DOCK11: variants seen among roughly 807,000 people sequenced by gnomAD.
The protein encoded by DOCK11 is dedicator of cytokinesis protein 11.
DOCK11 carries 70 observed loss-of-function variants against 169.1 expected under a neutral mutation model. The observed-to-expected ratio is 0.41, with a 90% CI of 0.34 to 0.51. The LOEUF (loss-of-function observed/expected upper bound fraction) is 0.51. Ranked by LOEUF, DOCK11 falls within the 20% of genes least tolerant of loss-of-function variation. DOCK11 has a pLI of 0.10. For synonymous variants in DOCK11, 529 were observed against 541.3 expected (o/e 0.98, Z 0.32); for missense variants, 1,166 against 1,538.8 (o/e 0.76, Z 4.05).
chrX:118,603,136 G>A (rs1448092690), intron 23 of DOCK11, among the ~76,000 whole-genome samples: 2 of 112,210 alleles, frequency 1.8e-5, no homozygotes, highest in East Asian at 2.8e-4. Context: ...GGGTAAAGTC[G>A]TGTAAAAGGA....
intron 1 of DOCK11, among the ~76,000 whole-genome samples, chrX:118,506,916 C>G (rs1031385567): frequency 9.0e-6 from 1 of 110,607 alleles, no homozygotes; most frequent in African/African-American, 3.3e-5. Context: ...AGACCCCCGT[C>G]TTTCCAAAAA....
Position 118,542,832 on chromosome X carries a change from A to G in DOCK11, c.210A>G (p.Glu70=). The change falls in exon 2 of 53, where the codon GAA becomes GAG. Residue 70 remains glutamate (E), a synonymous_variant. Coordinates refer to ENST00000276202, the MANE Select transcript of DOCK11 (RefSeq NM_144658.4). ...GAGATCTGCTTATGTTCCCAATGGA[A>G]GATATATCTGTGAGTTCACAAACAC... ...PLRDLLMFPM[E]DISISVIGRQ... The G allele has an allele frequency of 8.3e-7, 1 of 1,203,055 alleles. No homozygotes were observed. Among genetic ancestry groups the G allele is most frequent in the South Asian group, 1.8e-5 (1 of 56,501 alleles).
chrX:118,507,650 C>T (rs779885624), intron 1 of DOCK11, among the ~76,000 whole-genome samples: 6 of 111,778 alleles, frequency 5.4e-5, no homozygotes, highest in African/African-American at 9.7e-5. Context: ...GTGCCCGGCC[C>T]GTTTTTTAAA....
At chrX:118,574,697 C>T (rs1482906718) in intron 12 of DOCK11, among the ~76,000 whole-genome samples, 1 of 112,141 alleles carries the variant, frequency 8.9e-6, no homozygotes, top group Non-Finnish European at 1.9e-5. Context: ...AATTAACTCT[C>T]CCACCCCTGA....
At chrX:118,673,154 T>C (rs1157111436) in intron 46 of DOCK11, among the ~76,000 whole-genome samples, 1 of 112,224 alleles carries the variant, frequency 8.9e-6, no homozygotes, top group Non-Finnish European at 1.9e-5. Context: ...GGGAGCCTTT[T>C]GCTACTTAGC....
chrX:118,543,785 C>T (rs1460976935), intron 4 of DOCK11, among the ~76,000 whole-genome samples, 192 bp downstream of exon 4: 1 of 111,731 alleles, frequency 9.0e-6, no homozygotes, highest in East Asian at 2.8e-4. Flanking sequence ...CCTGTCTCTA[C>T]TAAAAATACA....
At chrX:118,570,689 T>A (rs762818983) in intron 10 of DOCK11, among the ~76,000 whole-genome samples, 1 of 112,335 alleles carries the variant, frequency 8.9e-6, no homozygotes, top group African/African-American at 3.2e-5. Context: ...GTGTTTCTTG[T>A]CTTGAGTTTT....
chrX:118,540,549 G>C (rs1221331656), intron 1 of DOCK11, among the ~76,000 whole-genome samples: 4 of 111,548 alleles, frequency 3.6e-5, no homozygotes, highest in Admixed American at 1.9e-4. Context: ...TGTAGACATG[G>C]GTCTACAAAT....
chrX:118,671,209 T>A, intron 46 of DOCK11, 64 bp downstream of exon 46: 1 of 1,018,046 alleles, frequency 9.8e-7, no homozygotes, highest in Non-Finnish European at 1.4e-6. Context: ...GGGAAAACAG[T>A]AATATAGTTC....
chrX:118,535,953 T>C (rs1005360737), intron 1 of DOCK11, among the ~76,000 whole-genome samples: 2 of 111,410 alleles, frequency 1.8e-5, no homozygotes, highest in Non-Finnish European at 3.8e-5. Context: ...ATGGTCACAT[T>C]TGGAACAAAC....
intron 18 of DOCK11, among the ~76,000 whole-genome samples, chrX:118,588,840 A>T (rs1370728017): frequency 3.6e-5 from 4 of 112,132 alleles, no homozygotes; most frequent in Admixed American, 9.5e-5. Context: ...CTTTGAGCTG[A>T]CAGAAGCACA....
chrX:118,669,716 C>T lies in DOCK11; in HGVS notation c.5077-1307C>T, dbSNP rs151095909. Among the ~76,000 whole-genome samples, 644 of 112,424 alleles carry T rather than the reference C, an allele frequency of 5.7e-3. 2 individuals carry two copies. Among genetic ancestry groups the T allele is most frequent in the African/African-American group, 0.019 (596 of 30,982 alleles). ...GCACTAAGACTGCAATATCAAAGTA[C>T]CACAAATTGGGTGGCTTAGAACAAG... is the stretch of plus-strand genomic sequence containing the variant. On this transcript the variant is annotated intron_variant, in intron 45 of 52. Coordinates refer to ENST00000276202, the MANE Select transcript of DOCK11 (RefSeq NM_144658.4).
At chrX:118,660,979 G>A (rs1308102760) in intron 44 of DOCK11, among the ~76,000 whole-genome samples, 1 of 109,827 alleles carries the variant, frequency 9.1e-6, no homozygotes. Context: ...AATCTGAGAT[G>A]GGTAGGATCA....
Position 118,517,074 on chromosome X carries a change from C to A in DOCK11, c.102+21001C>A, listed in dbSNP as rs900623504. ...TGATAACATATGTTTATATATAATGCGTATATGTGTGTATAATATTAAGAG... is the reference window on the plus strand; with the variant it reads ...TGATAACATATGTTTATATATAATGAGTATATGTGTGTATAATATTAAGAG... On this transcript the variant is annotated intron_variant, in intron 1 of 52. Coordinates refer to ENST00000276202, the MANE Select transcript of DOCK11 (RefSeq NM_144658.4). Among the ~76,000 whole-genome samples, 5 of 111,515 alleles carry A rather than the reference C, an allele frequency of 4.5e-5. No homozygotes were observed. In the East Asian group the frequency reaches 1.4e-3, roughly 31 times the overall value.
chrX:118,647,610 ATAATATATAAGATATATTATATGT>A (rs2015731470), intron 40 of DOCK11, among the ~76,000 whole-genome samples: 2 of 66,215 alleles, frequency 3.0e-5, no homozygotes, highest in Non-Finnish European at 2.6e-5. Flanking sequence ...ATATATAAAT[ATAATATATAAGATATATTATATGT>A]TAATATATTA....
intron 1 of DOCK11, among the ~76,000 whole-genome samples, chrX:118,524,137 C>T (rs1447477343): frequency 1.8e-5 from 2 of 111,667 alleles, no homozygotes; most frequent in African/African-American, 3.3e-5. Flanking sequence ...GATGAGTTTC[C>T]TTTCTGTGAC....
chrX:118,500,300 G>A (rs1363179850), intron 1 of DOCK11, among the ~76,000 whole-genome samples: 1 of 110,665 alleles, frequency 9.0e-6, no homozygotes, highest in Admixed American at 9.6e-5. Context: ...CGCCCGCCTC[G>A]GTCTCTCAAA....
In DOCK11 at chrX:118,685,929, A is replaced by G. The variant is rs778467179; in HGVS notation, c.*122A>G. The G allele has an allele frequency of 2.9e-4, 274 of 938,018 alleles. No individual in the cohort carries two copies. The highest frequency in any genetic ancestry group is 4.6e-4 in the Admixed American group (14 of 30,257). The allele number at this position is 938,018 out of a possible 1,213,427, so 77.3% of individuals were successfully genotyped here. A position where few individuals can be genotyped will look rare whatever the true frequency, so the allele number is the denominator to read the frequency against. ...GTTTCTTCTCGACACCAAAATTTTC[A>G]TGTGTTCCAACAGGGTGCTTACATA... On this transcript the variant is annotated 3_prime_UTR_variant, in exon 53 of 53. Transcript: ENST00000276202.
chrX:118,508,532 C>T (rs779074191), intron 1 of DOCK11, among the ~76,000 whole-genome samples: 1 of 111,130 alleles, frequency 9.0e-6, no homozygotes, highest in Non-Finnish European at 1.9e-5. Flanking sequence ...GGAATGCTAC[C>T]TTCCAAGGTA....
Sources: allele counts gnomAD v4.1 joint callset (sites outside exome capture counted in the v4.1 genomes callset), GRCh38; gene constraint gnomAD v4.1.1; transcripts MANE v1.5; gene names NCBI Gene and HGNC (gene_info 2026-07-23, HGNC 2026-07-21).